The following RIPOR2 variants were observed in gnomAD, a reference collection of about 807,000 sequenced individuals.
The protein encoded by RIPOR2 is rho family-interacting cell polarization regulator 2.
RIPOR2 carries 39 observed loss-of-function variants against 114.5 expected under a neutral mutation model. That is an observed-to-expected ratio of 0.34 (90% CI 0.26 to 0.44). The LOEUF is 0.44. Among genes scored for constraint, RIPOR2 ranks in the 20% least tolerant of loss-of-function variants. The pLI, the probability that RIPOR2 is intolerant of heterozygous loss-of-function variation, is 1.00. For synonymous variants in RIPOR2, 445 were observed against 484.4 expected (o/e 0.92, Z 1.07); for missense variants, 1,007 against 1,255.1 (o/e 0.80, Z 2.99).
chr6:24,917,719 C>T (rs1364052026), intron 1 of RIPOR2, among the ~76,000 whole-genome samples: 8 of 152,028 alleles, frequency 5.3e-5, no homozygotes, highest in African/African-American at 1.9e-4. Context: ...TTAGTAGAGA[C>T]GAGGTTTCAA....
intron 1 of RIPOR2, among the ~76,000 whole-genome samples, chr6:25,020,420 G>A (rs1006335121): frequency 6.6e-6 from 1 of 152,176 alleles, no homozygotes; most frequent in Non-Finnish European, 1.5e-5. Context: ...CAATTAATTA[G>A]GCTTCTCCAA....
Position 24,975,755 on chromosome 6 carries a change from A to C in RIPOR2, c.76+66096T>G, listed in dbSNP as rs140312976. Among the ~76,000 whole-genome samples, 260 of 152,288 alleles carry C rather than the reference A, an allele frequency of 1.7e-3. 2 individuals carry two copies. Among genetic ancestry groups the C allele is most frequent in the African/African-American group, 5.5e-3 (230 of 41,546 alleles). On this transcript the variant is annotated intron_variant, in intron 1 of 13. Transcript: ENST00000510784. ...AAAAAGTAACTATGTGAGGTGATAG[A>C]TATGTAAATTAACTTGATTGTACTA...
At chr6:24,964,143 GGC>G (rs2114226408) in intron 1 of RIPOR2, among the ~76,000 whole-genome samples, 1 of 116,174 alleles carries the variant, frequency 8.6e-6, no homozygotes, top group East Asian at 2.4e-4. Context: ...AATTGACATT[GGC>G]TCTGTGTGTG....
intron 1 of RIPOR2, among the ~76,000 whole-genome samples, chr6:24,905,304 T>C (rs1170733934): frequency 6.6e-6 from 1 of 152,208 alleles, no homozygotes; most frequent in Non-Finnish European, 1.5e-5. Flanking sequence ...GATGAAATGT[T>C]GGATCACCTG....
intron 1 of RIPOR2, among the ~76,000 whole-genome samples, chr6:24,955,319 G>C (rs1272810140): frequency 6.6e-6 from 1 of 152,132 alleles, no homozygotes; most frequent in Non-Finnish European, 1.5e-5. Flanking sequence ...GCTATGCGTG[G>C]CATATTTTCT....
At chr6:24,882,191 C>T (rs1305744742) in intron 1 of RIPOR2, among the ~76,000 whole-genome samples, 1 of 152,162 alleles carries the variant, frequency 6.6e-6, no homozygotes, top group East Asian at 1.9e-4. Context: ...CTACTTCTCC[C>T]TATATTTTTA....
intron 1 of RIPOR2, among the ~76,000 whole-genome samples, chr6:25,034,827 G>C (rs1361368796): frequency 6.6e-6 from 1 of 152,154 alleles, no homozygotes; most frequent in Non-Finnish European, 1.5e-5. Context: ...CATACAAAGA[G>C]AGCACTTTCT....
At chr6:24,855,398 GT>G (rs1763368564) in intron 8 of RIPOR2, among the ~76,000 whole-genome samples, 1 of 151,398 alleles carries the variant, frequency 6.6e-6, no homozygotes, top group Non-Finnish European at 1.5e-5. Context: ...ATTTCTCAAT[GT>G]TTTAAAAAAA....
At chr6:24,937,639 G>T (rs1290230510), upstream of RIPOR2, among the ~76,000 whole-genome samples, 1 of 152,150 alleles carries the variant, frequency 6.6e-6, no homozygotes, top group African/African-American at 2.4e-5. Flanking sequence ...AAGAGGATGG[G>T]TGTCCATTTT....
At chr6:24,894,514 C>T (rs948036196) in intron 1 of RIPOR2, among the ~76,000 whole-genome samples, 1 of 152,070 alleles carries the variant, frequency 6.6e-6, no homozygotes, top group African/African-American at 2.4e-5. Flanking sequence ...TTTCCTTTTC[C>T]GTTTCTTAAT....
intron 1 of RIPOR2, among the ~76,000 whole-genome samples, chr6:24,881,449 A>G (rs1766345253): frequency 6.6e-6 from 1 of 152,074 alleles, no homozygotes; most frequent in Non-Finnish European, 1.5e-5. Flanking sequence ...CACTCCTATA[A>G]CCAATGGGAA....
At chr6:24,906,526 G>A (rs1170677928) in intron 1 of RIPOR2, among the ~76,000 whole-genome samples, 2 of 152,146 alleles carry the variant, frequency 1.3e-5, no homozygotes, top group Non-Finnish European at 2.9e-5. Context: ...TAATTATGCT[G>A]CAACAACAGG....
At chr6:24,938,637 G>A (rs532925772), upstream of RIPOR2, among the ~76,000 whole-genome samples, 5 of 152,286 alleles carry the variant, frequency 3.3e-5, no homozygotes, top group African/African-American at 1.2e-4. Context: ...GCTCAATGGG[G>A]ATAGAGAATG....
chr6:24,836,197 A>T (rs1761092008), intron 14 of RIPOR2: 1 of 261,210 alleles, frequency 3.8e-6, no homozygotes, highest in African/African-American at 2.1e-5. Flanking sequence ...TGCTCTGTTG[A>T]CAGGGTGATC....
At position 24,839,531 on chromosome 6, in the gene RIPOR2, C is replaced by T. The variant is rs79766466; in HGVS notation, c.1858-259G>A. The T allele has an allele frequency of 9.3e-6, 13 of 1,404,348 alleles. No individual in the cohort carries two copies. In the African/African-American group the frequency reaches 1.5e-4, roughly 16 times the overall value. 87.0% of individuals were successfully genotyped at this position (1,404,348 alleles called of 1,614,324 possible). Reference sequence around the variant, plus strand: ...GTTGAAGAATAGGAAACAAGATTGGCCATGAGTTGATCACTGAGGAGGTTG... The same window carrying T: ...GTTGAAGAATAGGAAACAAGATTGGTCATGAGTTGATCACTGAGGAGGTTG... On this transcript the variant is annotated intron_variant, in intron 13 of 21. Transcript: ENST00000643898.
chr6:24,920,080 A>C (rs1287535499), intron 1 of RIPOR2, among the ~76,000 whole-genome samples: 2 of 152,242 alleles, frequency 1.3e-5, no homozygotes, highest in Non-Finnish European at 2.9e-5. Flanking sequence ...TTGAGTTAAA[A>C]TAAAAGCAAA....
upstream of RIPOR2, chr6:24,936,156 T>C (rs1461523012): frequency 9.7e-6 from 4 of 413,242 alleles, no homozygotes; most frequent in African/African-American, 8.2e-5. Flanking sequence ...CGGTTGGATA[T>C]GAATACAGAT....
At chr6:24,930,656 A>C (rs1771315985) in intron 1 of RIPOR2, among the ~76,000 whole-genome samples, 1 of 152,252 alleles carries the variant, frequency 6.6e-6, no homozygotes, top group South Asian at 2.1e-4. Context: ...AGCATGAATT[A>C]CTGTGGGGAG....
intron 1 of RIPOR2, among the ~76,000 whole-genome samples, chr6:25,019,456 T>C (rs190111607): frequency 6.6e-6 from 1 of 152,226 alleles, no homozygotes; most frequent in East Asian, 1.9e-4. Context: ...TATAAAGATA[T>C]TAATTCTAGT....
Sources: allele counts gnomAD v4.1 joint callset (sites outside exome capture counted in the v4.1 genomes callset), GRCh38; gene constraint gnomAD v4.1.1; transcripts MANE v1.5; gene names NCBI Gene and HGNC (gene_info 2026-07-23, HGNC 2026-07-21).